TXNDC12: variants seen among roughly 807,000 people sequenced by gnomAD.
TXNDC12 encodes the protein thioredoxin domain-containing protein 12.
A neutral mutation model predicts 24.2 loss-of-function variants in TXNDC12; 22 were observed. That is an observed-to-expected ratio of 0.91 (90% confidence interval 0.65 to 1.30). The LOEUF (loss-of-function observed/expected upper bound fraction) is 1.30. Among genes scored for constraint, TXNDC12 ranks in the 50% most tolerant of loss-of-function variants. The pLI is 0.00. For missense variants in TXNDC12, 184 were observed against 205.8 expected (o/e 0.89, Z 0.65); for synonymous variants, 58 against 73.4 (o/e 0.79, Z 1.07).
At chr1:52,028,475 A>C (rs1347551287) in intron 3 of TXNDC12, 103 bp downstream of exon 3, 3 of 867,400 alleles carry the variant, frequency 3.5e-6, no homozygotes, top group African/African-American at 1.7e-5. Context: ...GTATTCCTTA[A>C]ACAGTCAGTA....
chr1:52,053,467 A>G (rs1178931917), intron 1 of TXNDC12, among the ~76,000 whole-genome samples: 6 of 152,158 alleles, frequency 3.9e-5, no homozygotes. Context: ...GTTTGAGACC[A>G]GCCTTGCCAA....
intron 4 of TXNDC12, 32 bp downstream of exon 4, chr1:52,027,243 A>G: frequency 2.6e-6 from 4 of 1,517,808 alleles, no homozygotes; most frequent in South Asian, 1.1e-5. Flanking sequence ...TCTTAAAATC[A>G]TAGCAGAAAG....
Position 52,023,496 on chromosome 1 carries a change from T to C in TXNDC12, c.434A>G (p.Glu145Gly). The C allele has an allele frequency of 6.2e-7, 1 of 1,613,560 alleles. No homozygotes were observed. Among genetic ancestry groups the C allele is most frequent in the African/African-American group, 1.3e-5 (1 of 75,048 alleles). ...TCCCTTCAGCATAACTATACCTTGC[T>C]CGGCACTGACATAAAAATACTTGTA... ...PSYKYFYVSA[E>G]QVVQGMKEAQ... is the part of the protein sequence containing the mutation. Residue 145 changes from glutamate (E) to glycine (G), a missense_variant, in exon 6 of 7, where the codon GAG becomes GGG. Transcript: ENST00000371626.
chr1:52,030,797 A>G (rs1335890743), intron 2 of TXNDC12, among the ~76,000 whole-genome samples: 2 of 152,222 alleles, frequency 1.3e-5, no homozygotes, highest in East Asian at 3.8e-4. Context: ...CATGATATGC[A>G]AATATTTTGT....
intron 1 of TXNDC12, among the ~76,000 whole-genome samples, chr1:52,045,175 A>G (rs952453734): frequency 1.3e-5 from 2 of 152,238 alleles, no homozygotes; most frequent in African/African-American, 4.8e-5. Flanking sequence ...ATACTACATA[A>G]TTCCAATTAC....
At chr1:52,025,187 T>C (rs2124359269) in intron 4 of TXNDC12, among the ~76,000 whole-genome samples, 1 of 152,208 alleles carries the variant, frequency 6.6e-6, no homozygotes, top group East Asian at 1.9e-4. Context: ...CTCATAGTCC[T>C]CCCAGGAGAT....
chr1:52,046,003 A>G (rs1686082990), intron 1 of TXNDC12, among the ~76,000 whole-genome samples: 1 of 152,074 alleles, frequency 6.6e-6, no homozygotes, highest in Non-Finnish European at 1.5e-5. Context: ...ATTTGAGCCC[A>G]GGAGTTTGAG....
rs141171987 is a variant in TXNDC12 at position 52,021,005 on chromosome 1, C to T, written c.447G>A (p.Gln149=). The change falls in exon 7 of 7, where the codon CAG becomes CAA. Residue 149 remains glutamine, a synonymous_variant. Coordinates refer to ENST00000371626, the MANE Select transcript of TXNDC12 (RefSeq NM_015913.4). ...YFYVSAEQVV[Q]GMKEAQERLT... is the part of the protein sequence containing the mutation. ...GCCTTTCCTGAGCTTCCTTCATCCC[C>T]TGAACAACTGTGAAATAAAGATTGG... 3,317 of 1,613,134 alleles carry T rather than the reference C, an allele frequency of 2.1e-3. 5 individuals carry two copies. The highest frequency in any genetic ancestry group is 6.4e-3 in the Middle Eastern group (39 of 6,062).
intron 1 of TXNDC12, chr1:52,051,676 G>C (rs1216785206): frequency 6.0e-6 from 1 of 166,732 alleles, no homozygotes; most frequent in Admixed American, 6.5e-5. Context: ...ACCGTGCCCA[G>C]CCTGGGCCTT....
rs759236547 is a variant in TXNDC12, at chr1:52,027,326, T to G, written c.234A>C (p.Glu78Asp). The G allele has an allele frequency of 2.5e-5, 40 of 1,613,436 alleles. No individual in the cohort carries two copies. The highest frequency in any genetic ancestry group is 3.4e-5 in the Non-Finnish European group (40 of 1,179,560). Reference protein sequence around the residue: ...ACKALKPKFAESTEISELSHN... With the variant: ...ACKALKPKFADSTEISELSHN... ...GGGAGAGTTCTGAAATTTCCGTAGA[T>G]TCTGCAAATTTGGGCTTTAGAGCTG... is the stretch of plus-strand genomic sequence containing the variant. Residue 78 changes from glutamate to aspartate, a missense_variant, in exon 4 of 7, where the codon GAA becomes GAC. Transcript: ENST00000371626.
intron 1 of TXNDC12, among the ~76,000 whole-genome samples, chr1:52,053,687 A>AC (rs991556287): frequency 9.5e-4 from 145 of 151,988 alleles, no homozygotes; most frequent in Middle Eastern, 3.4e-3. Flanking sequence ...AACAACAACA[A>AC]AAAAAAACGG....
chr1:52,025,684 G>A (rs777919326), intron 4 of TXNDC12, among the ~76,000 whole-genome samples: 6 of 152,178 alleles, frequency 3.9e-5, no homozygotes, highest in Non-Finnish European at 8.8e-5. Flanking sequence ...TCCCATTTCA[G>A]GGGTTAAATA....
At chr1:52,053,212 G>A (rs760412608) in intron 1 of TXNDC12, among the ~76,000 whole-genome samples, 1 of 151,486 alleles carries the variant, frequency 6.6e-6, no homozygotes, top group East Asian at 2.0e-4. Flanking sequence ...GCAGTAAGCC[G>A]AGATTGCACC....
At chr1:52,052,833 T>C in intron 1 of TXNDC12, 1 of 152,180 alleles carries the variant, frequency 6.6e-6, no homozygotes, top group East Asian at 1.9e-4. Context: ...CAGAGCAAAT[T>C]ATTTGTTGAG....
intron 4 of TXNDC12, 108 bp downstream of exon 4, chr1:52,027,167 T>A: frequency 2.6e-6 from 2 of 758,502 alleles, no homozygotes; most frequent in Admixed American, 2.6e-5. Flanking sequence ...AACACATACA[T>A]AAATTTGACT....
intron 1 of TXNDC12, among the ~76,000 whole-genome samples, chr1:52,045,488 T>C (rs1686074890): frequency 6.6e-6 from 1 of 152,172 alleles, no homozygotes; most frequent in South Asian, 2.1e-4. Flanking sequence ...GGGAAGATCA[T>C]GTGAAGACAT....
chr1:52,046,495 G>A (rs1018659994), intron 1 of TXNDC12, among the ~76,000 whole-genome samples: 3 of 152,186 alleles, frequency 2.0e-5, no homozygotes, highest in Non-Finnish European at 4.4e-5. Flanking sequence ...GGATGGAGCT[G>A]CCATTTACAG....
At position 52,034,311 on chromosome 1, in the gene TXNDC12, G is replaced by A. The variant is rs573798891; in HGVS notation, c.159-5681C>T. ...AATCAGAGTAATAAATACTATAATG[G>A]ATAGATGCAGGTGAGGTTATAAAAG... On this transcript the variant is annotated intron_variant, in intron 2 of 6. Coordinates refer to ENST00000371626, the MANE Select transcript of TXNDC12 (RefSeq NM_015913.4). Among the ~76,000 whole-genome samples, 21 of 152,310 alleles carry A rather than the reference G, an allele frequency of 1.4e-4. No homozygotes were observed. The South Asian group carries it at 2.7e-3, about 20-fold the overall frequency.
chr1:52,055,806 T>A (rs1386036455), upstream of TXNDC12: 2 of 152,280 alleles, frequency 1.3e-5, no homozygotes, highest in East Asian at 3.8e-4. Flanking sequence ...ACTTGGGACC[T>A]CTTATTGCAA....
Sources: allele counts gnomAD v4.1 joint callset (sites outside exome capture counted in the v4.1 genomes callset), GRCh38; gene constraint gnomAD v4.1.1; transcripts MANE v1.5; gene names NCBI Gene and HGNC (gene_info 2026-07-23, HGNC 2026-07-21).